The following FHOD3 variants were observed in gnomAD, a reference collection of about 807,000 sequenced individuals.
FHOD3 encodes the protein formin homology 2 domain containing 3.
A neutral mutation model predicts 173.0 loss-of-function variants in FHOD3; 90 were observed. That is an observed-to-expected ratio of 0.52 (90% CI 0.44 to 0.62). The LOEUF (loss-of-function observed/expected upper bound fraction) is 0.62, where lower values mean the gene tolerates loss of function less well. FHOD3 is among the 20% of genes least tolerant of loss of function. FHOD3 has a pLI of 0.00. For missense variants in FHOD3, 1,945 were observed against 2,034.7 expected, an observed-to-expected ratio of 0.96 and a Z score of 0.85; for synonymous variants, 828 against 823.0, an observed-to-expected ratio of 1.01 and a Z score of -0.10.
intron 10 of FHOD3, among the ~76,000 whole-genome samples, chr18:36,641,339 G>C (rs2035291646): frequency 6.6e-6 from 1 of 152,210 alleles, no homozygotes; most frequent in African/African-American, 2.4e-5. Context: ...AGGGAAAGTG[G>C]AAGACGAAGT....
chr18:36,605,645 A>G (rs77633245), intron 8 of FHOD3, among the ~76,000 whole-genome samples: 1 of 150,046 alleles, frequency 6.7e-6, no homozygotes, highest in Non-Finnish European at 1.5e-5. Flanking sequence ...TTCACACACA[A>G]AAAAAAAAAT....
chr18:36,359,562 A>G (rs569186545), intron 2 of FHOD3, among the ~76,000 whole-genome samples: 34 of 152,192 alleles, frequency 2.2e-4, no homozygotes, highest in Non-Finnish European at 4.4e-4. Context: ...ATAGGAGTTC[A>G]TAAAATGAGG....
chr18:36,361,698 A>G (rs951252569), intron 2 of FHOD3, among the ~76,000 whole-genome samples: 6 of 151,808 alleles, frequency 4.0e-5, no homozygotes, highest in African/African-American at 1.5e-4. Context: ...AAAAAAAAAA[A>G]AAAGAAAAAA....
chr18:36,350,823 T>C (rs1039112177), intron 1 of FHOD3, among the ~76,000 whole-genome samples: 43 of 152,232 alleles, frequency 2.8e-4, no homozygotes, highest in African/African-American at 9.9e-4. Flanking sequence ...TTTTAGTTCT[T>C]CGGAAAGTTT....
At chr18:36,579,953 A>C (rs1198916473) in intron 6 of FHOD3, among the ~76,000 whole-genome samples, 1 of 152,114 alleles carries the variant, frequency 6.6e-6, no homozygotes, top group African/African-American at 2.4e-5. Flanking sequence ...GAAAAAAAAA[A>C]ACAGAAATAA....
intron 3 of FHOD3, among the ~76,000 whole-genome samples, chr18:36,396,162 C>A (rs1754921221): frequency 6.6e-6 from 1 of 152,038 alleles, no homozygotes; most frequent in Admixed American, 6.6e-5. Context: ...TTATTTTTGC[C>A]TAAAAGATTT....
intron 4 of FHOD3, among the ~76,000 whole-genome samples, chr18:36,508,750 G>C (rs1440743900): frequency 6.6e-6 from 1 of 151,914 alleles, no homozygotes; most frequent in Non-Finnish European, 1.5e-5. Context: ...TGTCACTTAT[G>C]AACTTTAGGA....
At chr18:36,480,136 G>T (rs573060116) in intron 3 of FHOD3, among the ~76,000 whole-genome samples, 1 of 152,144 alleles carries the variant, frequency 6.6e-6, no homozygotes, top group African/African-American at 2.4e-5. Context: ...TGATAGCCCC[G>T]TATAAGACGG....
intron 19 of FHOD3, among the ~76,000 whole-genome samples, chr18:36,720,331 G>T (rs149553984): frequency 6.8e-6 from 1 of 146,646 alleles, no homozygotes; most frequent in African/African-American, 2.5e-5. Context: ...TCCACCTCCC[G>T]GGTTCAAGAG....
At chr18:36,419,132 T>A (rs2049847056) in intron 3 of FHOD3, among the ~76,000 whole-genome samples, 1 of 151,998 alleles carries the variant, frequency 6.6e-6, no homozygotes, top group African/African-American at 2.4e-5. Flanking sequence ...TTACCAAGTA[T>A]CAAATTCAAG....
chr18:36,714,326 C>T (rs2040333559), intron 18 of FHOD3, among the ~76,000 whole-genome samples: 2 of 152,104 alleles, frequency 1.3e-5, no homozygotes, highest in African/African-American at 4.8e-5. Context: ...CACTTGAATT[C>T]AGGGGTTCGA....
chr18:36,315,513 G>A (rs2044072364), intron 1 of FHOD3, among the ~76,000 whole-genome samples: 1 of 152,132 alleles, frequency 6.6e-6, no homozygotes, highest in Non-Finnish European at 1.5e-5. Flanking sequence ...ATGAAACTGG[G>A]GGGCTCCTGC....
intron 11 of FHOD3, among the ~76,000 whole-genome samples, chr18:36,649,711 G>A (rs2035923880): frequency 6.6e-6 from 1 of 152,124 alleles, no homozygotes; most frequent in African/African-American, 2.4e-5. Context: ...GATTGATGGT[G>A]ACTAAAAAGG....
chr18:36,759,234 C>A, intron 26 of FHOD3, 93 bp downstream of exon 26: 1 of 1,334,710 alleles, frequency 7.5e-7, no homozygotes, highest in Non-Finnish European at 1.0e-6. Context: ...AGTGTCAGCA[C>A]CATTCAGTGC....
intron 5 of FHOD3, among the ~76,000 whole-genome samples, chr18:36,547,768 C>T (rs1423358289): frequency 2.6e-5 from 4 of 152,228 alleles, no homozygotes; most frequent in Non-Finnish European, 5.9e-5. Context: ...CCCACAGCCA[C>T]CTTGTCCGCT....
At chr18:36,718,802 C>T (rs2040603690) in intron 19 of FHOD3, 87 bp downstream of exon 19, 1 of 1,511,394 alleles carries the variant, frequency 6.6e-7, no homozygotes, top group Non-Finnish European at 8.8e-7. Flanking sequence ...TTTTGCATTG[C>T]TTTTGCTATT....
At chr18:36,542,047 T>C (rs2057243664) in intron 5 of FHOD3, among the ~76,000 whole-genome samples, 1 of 152,226 alleles carries the variant, frequency 6.6e-6, no homozygotes, top group Non-Finnish European at 1.5e-5. Context: ...CAAAGCTGTT[T>C]TACAAATGGG....
At chr18:36,502,725 G>A (rs778061586) in intron 4 of FHOD3, among the ~76,000 whole-genome samples, 2 of 152,118 alleles carry the variant, frequency 1.3e-5, no homozygotes, top group Non-Finnish European at 2.9e-5. Flanking sequence ...AAGCCTATTA[G>A]AGGTATAACT....
At chr18:36,340,768 C>G (rs1206457850) in intron 1 of FHOD3, among the ~76,000 whole-genome samples, 1 of 152,010 alleles carries the variant, frequency 6.6e-6, no homozygotes, top group Admixed American at 6.6e-5. Flanking sequence ...TCCCGAGTAG[C>G]TGGGACTACA....
Sources: allele counts gnomAD v4.1 joint callset (sites outside exome capture counted in the v4.1 genomes callset), GRCh38; gene constraint gnomAD v4.1.1; transcripts MANE v1.5; gene names NCBI Gene and HGNC (gene_info 2026-07-23, HGNC 2026-07-21).